SCUBE1: variants seen among roughly 807,000 people sequenced by gnomAD.
SCUBE1 encodes the protein signal peptide, CUB domain and EGF like domain containing 1.
In SCUBE1, 59 loss-of-function variants were observed where a neutral mutation model predicts 124.4. The observed-to-expected ratio is 0.47, with a 90% CI of 0.38 to 0.59. The LOEUF (loss-of-function observed/expected upper bound fraction) is 0.59. Among genes scored for constraint, SCUBE1 ranks in the 20% least tolerant of loss-of-function variants. The probability of loss-of-function intolerance (pLI) is 0.00; values close to 1 mark genes in which losing one functional copy is unlikely to be tolerated. For synonymous variants in SCUBE1, 545 were observed against 550.9 expected (o/e 0.99, Z 0.15); for missense variants, 1,150 against 1,371.2 (o/e 0.84, Z 2.55).
intron 3 of SCUBE1, among the ~76,000 whole-genome samples, chr22:43,317,311 C>T (rs749010990): frequency 4.6e-5 from 7 of 152,210 alleles, no homozygotes; most frequent in South Asian, 4.1e-4. Context: ...TCACCTCATC[C>T]TCACACGCGA....
rs1349974238 is a variant in SCUBE1, at chr22:43,212,487, C to A, written c.2159G>T (p.Cys720Phe). Residue 720 changes from cysteine (C) to phenylalanine (F), a missense_variant, in exon 17 of 22, where the codon TGT (cysteine) becomes TTT (phenylalanine). By Grantham distance (205) the Cys-to-Phe change is radical. Coordinates refer to ENST00000360835, the MANE Select transcript of SCUBE1 (RefSeq NM_173050.5). ...GTGTTTGGTGAGCAAACCCCCTCCA[C>A]AGGGGAAGCAGCCGGTGCGCCCGGG... is the stretch of plus-strand genomic sequence containing the variant. ...PEPGRTGCFP[C>F]GGGLLTKHEG... 1.9e-6 allele frequency: 3 copies of A among 1,554,796 alleles called. No homozygotes were observed. The highest frequency in any genetic ancestry group is 2.6e-6 in the Non-Finnish European group (3 of 1,149,202).
chr22:43,264,533 A>G (rs1923990494), intron 4 of SCUBE1, among the ~76,000 whole-genome samples: 1 of 152,178 alleles, frequency 6.6e-6, no homozygotes, highest in Non-Finnish European at 1.5e-5. Flanking sequence ...TCAGTCCCTC[A>G]TCAGGTCCTC....
chr22:43,211,188 G>T lies in SCUBE1; in HGVS notation c.2222-105C>A. On this transcript the variant is annotated intron_variant, in intron 17 of 21. Transcript: ENST00000360835. This position sits in a 1 kb window ranked among gnomAD's most constrained non-coding sequence, Gnocchi z 4.5. ...CTCTCATGCCCTCGAGGTCTGTTTTGGCACAGAGTTCAAGGCTCCTCCCCA... is the reference window on the plus strand; with the variant it reads ...CTCTCATGCCCTCGAGGTCTGTTTTTGCACAGAGTTCAAGGCTCCTCCCCA... The T allele has an allele frequency of 8.1e-7, 1 of 1,230,460 alleles. No individual in the cohort carries two copies. Among genetic ancestry groups the T allele is most frequent in the Non-Finnish European group, 1.1e-6 (1 of 876,992 alleles). The allele number at this position is 1,230,460 out of a possible 1,614,324, so 76.2% of individuals were successfully genotyped here.
rs1022407952 is a variant in SCUBE1, at chr22:43,255,637, G to T, written c.727+2582C>A. The T allele has an allele frequency of 7.1e-7, 1 of 1,411,322 alleles. No individual in the cohort carries two copies. The highest frequency in any genetic ancestry group is 1.2e-5 in the South Asian group (1 of 81,422). 87.4% of individuals were successfully genotyped at this position (1,411,322 alleles called of 1,614,324 possible). On this transcript the variant is annotated intron_variant, in intron 6 of 21. Coordinates refer to ENST00000360835, the MANE Select transcript of SCUBE1 (RefSeq NM_173050.5). The surrounding 1 kb of genome is among the most constrained non-coding windows in gnomAD (Gnocchi z 4.7). ...TGGTTAATGACAGCCCACTTCCCGC[G>T]GCCCAAGACAGTCAGCCTCTCGGCG...
At chr22:43,289,929 C>T (rs1017640823) in intron 4 of SCUBE1, among the ~76,000 whole-genome samples, 7 of 152,188 alleles carry the variant, frequency 4.6e-5, no homozygotes, top group Admixed American at 3.3e-4. Flanking sequence ...CAGAGAGGGG[C>T]GACCTTCCCA....
chr22:43,290,894 C>A lies in SCUBE1; in HGVS notation c.484+152G>T. 10 of 796,464 alleles carry A rather than the reference C, an allele frequency of 1.3e-5. No homozygotes were observed. In the South Asian group the frequency reaches 2.1e-4, roughly 17 times the overall value. The allele number at this position is 796,464 out of a possible 1,614,324, so 49.3% of individuals were successfully genotyped here. On this transcript the variant is annotated intron_variant, in intron 4 of 21. Coordinates refer to ENST00000360835, the MANE Select transcript of SCUBE1 (RefSeq NM_173050.5). Reference sequence around the variant, plus strand: ...GAACTGGAAGGAGGCCCATGCAGAACCAATACCAGACGTGCAAAACAGTCA... The same window carrying A: ...GAACTGGAAGGAGGCCCATGCAGAAACAATACCAGACGTGCAAAACAGTCA...
At chr22:43,316,608 C>CCCTGCACG (rs939141189) in intron 3 of SCUBE1, among the ~76,000 whole-genome samples, 8 of 152,180 alleles carry the variant, frequency 5.3e-5, no homozygotes, top group African/African-American at 1.9e-4. Flanking sequence ...ACCTGCTGCT[C>CCCTGCACG]CCTGCACGCA....
At chr22:43,313,621 G>T (rs1926244516) in intron 3 of SCUBE1, among the ~76,000 whole-genome samples, 3 of 152,148 alleles carry the variant, frequency 2.0e-5, no homozygotes, top group Non-Finnish European at 2.9e-5. Flanking sequence ...GCCATTTGGG[G>T]TTGAGCAAGA....
intron 4 of SCUBE1, among the ~76,000 whole-genome samples, chr22:43,284,697 C>A (rs1214477481): frequency 1.3e-5 from 2 of 152,242 alleles, no homozygotes; most frequent in South Asian, 2.1e-4. Context: ...ATGGAAAGTG[C>A]CTGGTAGCAG....
At chr22:43,281,493 C>CCCTCCTGTCACCTCCTCCTCAGCCAT (rs1924872223) in intron 4 of SCUBE1, among the ~76,000 whole-genome samples, 5 of 84,334 alleles carry the variant, frequency 5.9e-5, no homozygotes, top group Non-Finnish European at 1.2e-4. Flanking sequence ...TCTTTGGCCA[C>CCCTCCTGTCACCTCCTCCTCAGCCAT]CCTCCTGTCA....
intron 4 of SCUBE1, among the ~76,000 whole-genome samples, chr22:43,278,061 G>C (rs1013328382): frequency 2.0e-5 from 3 of 152,244 alleles, no homozygotes; most frequent in African/African-American, 7.2e-5. Flanking sequence ...GCCAGGAGAG[G>C]GGCGTGAAGC....
chr22:43,221,826 G>A (rs1922102890), intron 12 of SCUBE1, among the ~76,000 whole-genome samples: 1 of 152,174 alleles, frequency 6.6e-6, no homozygotes, highest in Non-Finnish European at 1.5e-5. Flanking sequence ...CACTCTGGGA[G>A]GCCGAGGCAG....
chr22:43,317,612 C>G (rs1249479657), intron 3 of SCUBE1, among the ~76,000 whole-genome samples: 1 of 152,236 alleles, frequency 6.6e-6, no homozygotes, highest in Non-Finnish European at 1.5e-5. Flanking sequence ...AGTTGCTGTG[C>G]CCTGGTTACC....
chr22:43,229,598 C>T (rs1438042528), intron 8 of SCUBE1, among the ~76,000 whole-genome samples: 2 of 152,162 alleles, frequency 1.3e-5, no homozygotes, highest in African/African-American at 4.8e-5. Context: ...GGACATAAAC[C>T]TAGGCCTCTT....
chr22:43,242,182 C>T (rs984499680), intron 6 of SCUBE1, among the ~76,000 whole-genome samples: 6 of 152,174 alleles, frequency 3.9e-5, no homozygotes, highest in Non-Finnish European at 8.8e-5. Context: ...CTGGTGGGGC[C>T]GAGCACCGCG....
At chr22:43,333,134 T>C (rs868830355) in intron 2 of SCUBE1, among the ~76,000 whole-genome samples, 45 of 152,078 alleles carry the variant, frequency 3.0e-4, no homozygotes, top group African/African-American at 1.1e-3. Flanking sequence ...CAAAGAGGGG[T>C]GGCAGCTGTC....
chr22:43,258,391 A>G lies in SCUBE1; in HGVS notation c.611-56T>C. ...TATAAACAGAACAACAAAAACGGTT[A>G]GTTTGCCGGTGTTGGCGGCTGCCTT... is the stretch of plus-strand genomic sequence containing the variant. On this transcript the variant is annotated intron_variant, in intron 5 of 21. Transcript: ENST00000360835. The surrounding 1 kb of genome is among the most constrained non-coding windows in gnomAD (Gnocchi z 5.0). The G allele has an allele frequency of 3.0e-6, 4 of 1,336,444 alleles. No individual in the cohort carries two copies. The South Asian group carries it at 4.7e-5, about 16-fold the overall frequency. The allele number at this position is 1,336,444 out of a possible 1,614,324, so 82.8% of individuals were successfully genotyped here. A position where few individuals can be genotyped will look rare whatever the true frequency, so the allele number is the denominator to read the frequency against.
intron 14 of SCUBE1, 126 bp downstream of exon 14, chr22:43,220,324 C>G: frequency 3.6e-6 from 4 of 1,110,152 alleles, no homozygotes; most frequent in Non-Finnish European, 5.2e-6. Flanking sequence ...AAGCTGGGCT[C>G]CCATCCCAGC....
chr22:43,252,654 T>C (rs1923498977), intron 6 of SCUBE1, among the ~76,000 whole-genome samples: 1 of 152,206 alleles, frequency 6.6e-6, no homozygotes, highest in Non-Finnish European at 1.5e-5. Context: ...TGGGACGAAC[T>C]GCCCGTGATC....
Sources: gnomAD v4.1 joint callset for allele counts (sites outside exome capture counted in the v4.1 genomes callset) on GRCh38, gnomAD v4.1.1 for gene constraint, Gnocchi (gnomAD v3.1) non-coding constraint, MANE v1.5 for transcripts, NCBI Gene and HGNC (gene_info 2026-07-23, HGNC 2026-07-21) for gene names.